ADGRE3: variants seen among roughly 807,000 people sequenced by gnomAD.
ADGRE3 encodes the protein EGF-like module receptor 3.
In ADGRE3, 88 loss-of-function variants were observed where a neutral mutation model predicts 80.1. The ratio of observed to expected loss-of-function variants is 1.10; its 90% CI spans 0.93 to 1.31. The LOEUF (loss-of-function observed/expected upper bound fraction) is 1.31, where lower values mean the gene tolerates loss of function less well. Among genes scored for constraint, ADGRE3 ranks in the 40% most tolerant of loss-of-function variants. ADGRE3 has a pLI of 0.00. For synonymous variants in ADGRE3, 281 were observed against 294.8 expected, an observed-to-expected ratio of 0.95 and a Z score of 0.48; for missense variants, 715 against 776.5, an observed-to-expected ratio of 0.92 and a Z score of 0.94.
intron 3 of ADGRE3, among the ~76,000 whole-genome samples, chr19:14,662,647 A>G (rs1971980901): frequency 6.6e-6 from 1 of 152,042 alleles, no homozygotes; most frequent in Non-Finnish European, 1.5e-5. Flanking sequence ...TGGCTTCCCA[A>G]AGAACTGGGA....
At chr19:14,652,292 T>TTATGGTG (rs889775623) in intron 6 of ADGRE3, among the ~76,000 whole-genome samples, 14 of 152,226 alleles carry the variant, frequency 9.2e-5, no homozygotes, top group African/African-American at 3.1e-4. Flanking sequence ...CAATTACACC[T>TTATGGTG]TAATAAAGCT....
intron 4 of ADGRE3, among the ~76,000 whole-genome samples, chr19:14,659,694 G>A (rs903385394): frequency 2.0e-5 from 3 of 151,640 alleles, no homozygotes; most frequent in Admixed American, 6.6e-5. Context: ...GTTGGCGGGT[G>A]CCTGTAATCC....
the ADGRE3 span, among the ~76,000 whole-genome samples, chr19:14,601,242 A>G: frequency 6.6e-6 from 1 of 152,252 alleles, no homozygotes; most frequent in East Asian, 1.9e-4. Context: ...GACAGTCTCC[A>G]TAGTCCAATG....
intron 9 of ADGRE3, among the ~76,000 whole-genome samples, chr19:14,642,309 C>T (rs758513638): frequency 8.6e-5 from 13 of 151,874 alleles, no homozygotes; most frequent in Non-Finnish European, 1.9e-4. Flanking sequence ...GCCAGGAGTT[C>T]AAGACCGACC....
At chr19:14,608,780 C>T in the ADGRE3 span, among the ~76,000 whole-genome samples, 3 of 149,938 alleles carry the variant, frequency 2.0e-5, no homozygotes, top group South Asian at 2.1e-4. Context: ...ATTACAGGTG[C>T]GCACCACCAT....
At chr19:14,647,739 T>C (rs1011143092) in intron 7 of ADGRE3, among the ~76,000 whole-genome samples, 2 of 151,716 alleles carry the variant, frequency 1.3e-5, no homozygotes, top group African/African-American at 4.8e-5. Context: ...AGAAGAGTTG[T>C]TCTCAGATGG....
intron 4 of ADGRE3, among the ~76,000 whole-genome samples, chr19:14,658,815 A>G (rs886284013): frequency 3.6e-4 from 54 of 151,926 alleles, no homozygotes; most frequent in Admixed American, 2.6e-4. Context: ...GCTCACTGCA[A>G]CCTTCACCTC....
In ADGRE3 at chr19:14,650,959, A is replaced by T. The variant is rs1971589471; in HGVS notation, c.697+126T>A. The T allele has an allele frequency of 4.0e-6, 4 of 1,006,596 alleles. No homozygotes were observed. The East Asian group carries it at 1.0e-4, about 26-fold the overall frequency. The allele number at this position is 1,006,596 out of a possible 1,614,324, so 62.4% of individuals were successfully genotyped here. On this transcript the variant is annotated intron_variant, in intron 7 of 15. Coordinates refer to ENST00000253673, the MANE Select transcript of ADGRE3 (RefSeq NM_032571.5). ...TCTTTTTTTTTTTTTTAAAGGGAAA[A>T]TCTCCAATATCGTAGTTTGAGGGTA...
intron 11 of ADGRE3, among the ~76,000 whole-genome samples, chr19:14,634,209 T>C (rs1334067950): frequency 2.0e-5 from 3 of 152,186 alleles, no homozygotes; most frequent in Admixed American, 6.5e-5. Flanking sequence ...AACAAACTTG[T>C]CTTATTTTTA....
chr19:14,636,529 T>C (rs1373869727), intron 11 of ADGRE3, among the ~76,000 whole-genome samples: 2 of 151,986 alleles, frequency 1.3e-5, no homozygotes, highest in Non-Finnish European at 2.9e-5. Context: ...TTTCTATTAT[T>C]TATTCATCTT....
In ADGRE3 at chr19:14,623,304, A is replaced by T. The variant is rs1213638962; in HGVS notation, c.1920+2188T>A. Among the ~76,000 whole-genome samples the T allele has an allele frequency of 5.8e-4, 16 of 27,450 alleles. 6 individuals are homozygous for T. Among genetic ancestry groups the T allele is most frequent in the African/African-American group, 2.4e-3 (16 of 6,564 alleles). The allele number at this position is 27,450 out of a possible 152,430, so 18.0% of individuals were successfully genotyped here. On this transcript the variant is annotated intron_variant, in intron 15 of 15. Transcript: ENST00000253673. The stretch of plus-strand genomic sequence containing the variant: ...AATACTTAAAAAAAAAAAAATAAAA[A>T]AAAAAAAAAATAAAACTCCTGGACT...
the ADGRE3 span, among the ~76,000 whole-genome samples, chr19:14,604,149 A>G: frequency 5.9e-5 from 9 of 152,146 alleles, no homozygotes; most frequent in Non-Finnish European, 1.2e-4. Context: ...TGGGACAGGA[A>G]GACCTTTCCG....
At chr19:14,656,482 AT>A (rs1355675332) in intron 5 of ADGRE3, among the ~76,000 whole-genome samples, 3 of 151,846 alleles carry the variant, frequency 2.0e-5, no homozygotes, top group Non-Finnish European at 4.4e-5. Context: ...CAGGCACTAG[AT>A]TTTATAGTCA....
Position 14,640,389 on chromosome 19 carries a change from A to C in ADGRE3, c.1248+1030T>G, listed in dbSNP as rs1036918306. On this transcript the variant is annotated intron_variant, in intron 10 of 15. Coordinates refer to ENST00000253673, the MANE Select transcript of ADGRE3 (RefSeq NM_032571.5). ...ACTGCAGCCTCTGCCTCCCGGGTTC[A>C]AGCAATTCTCCTGCCTCAGCCTCCC... 2.6e-5 allele frequency among the ~76,000 whole-genome samples: 4 copies of C among 152,144 alleles called. No homozygotes were observed. In the East Asian group the frequency reaches 7.7e-4, roughly 29 times the overall value.
intron 14 of ADGRE3, 96 bp from the exon 15 acceptor site, chr19:14,625,695 A>C (rs1272443494): frequency 5.6e-6 from 4 of 711,472 alleles, no homozygotes; most frequent in Non-Finnish European, 1.0e-5. Context: ...ATGTATTATT[A>C]TTTATTTATT....
At chr19:14,617,290 TCTCTCTCTCTTC>T (rs534022961), downstream of ADGRE3, among the ~76,000 whole-genome samples, 14 of 151,256 alleles carry the variant, frequency 9.3e-5, no homozygotes, top group African/African-American at 4.9e-5. Flanking sequence ...TCTTTCTCTT[TCTCTCTCTCTTC>T]CTCTCTCTCT....
downstream of ADGRE3, among the ~76,000 whole-genome samples, chr19:14,617,377 C>CTTTTTCTTTCTTT (rs1491527496): frequency 3.5e-5 from 3 of 86,302 alleles, no homozygotes; most frequent in African/African-American, 9.8e-5. Context: ...TTTCTTTCTT[C>CTTTTTCTTTCTTT]CTTTCTTTCT....
downstream of ADGRE3, among the ~76,000 whole-genome samples, chr19:14,615,199 C>CTT (rs1227946914): frequency 1.7e-3 from 153 of 91,016 alleles, 2 homozygotes; most frequent in Non-Finnish European, 2.3e-3. Context: ...CTACAGCTGC[C>CTT]TTCTTTTTTT....
At chr19:14,649,954 C>T (rs1374416738) in intron 7 of ADGRE3, among the ~76,000 whole-genome samples, 1 of 75,860 alleles carries the variant, frequency 1.3e-5, no homozygotes, top group East Asian at 5.0e-4. Flanking sequence ...CTCTTTCTCC[C>T]CATCTCTCTC....
Sources: allele counts gnomAD v4.1 joint callset (sites outside exome capture counted in the v4.1 genomes callset), GRCh38; gene constraint gnomAD v4.1.1; transcripts MANE v1.5; gene names NCBI Gene and HGNC (gene_info 2026-07-23, HGNC 2026-07-21).